Variants in NAPSA observed in about 807,000 individuals in gnomAD.
NAPSA encodes napsin-A.
A neutral mutation model predicts 36.7 loss-of-function variants in NAPSA; 37 were observed. That is an observed-to-expected ratio of 1.01 (90% confidence interval 0.78 to 1.33). The LOEUF is 1.33. Ranked by LOEUF, NAPSA falls within the 40% of genes most tolerant of loss-of-function variation. NAPSA has a pLI of 0.00. For missense variants in NAPSA, 532 were observed against 543.8 expected (o/e 0.98, Z 0.21); for synonymous variants, 222 against 234.5 (o/e 0.95, Z 0.49).
At chr19:50,363,123 T>A (rs2037499298) in intron 1 of NAPSA, among the ~76,000 whole-genome samples, 1 of 152,194 alleles carries the variant, frequency 6.6e-6, no homozygotes, top group Non-Finnish European at 1.5e-5. Context: ...CGTTCCTGCC[T>A]TTAGTCACTC....
upstream of NAPSA, among the ~76,000 whole-genome samples, chr19:50,367,578 C>CTCTCTG (rs2123624802): frequency 1.3e-5 from 2 of 148,426 alleles, no homozygotes; most frequent in South Asian, 4.4e-4. Context: ...CTCTCTCTCT[C>CTCTCTG]TCTGTCTCTG....
Position 50,359,792 on chromosome 19 carries a change from G to T in NAPSA, c.739C>A (p.Leu247Ile). The stretch of plus-strand genomic sequence containing the variant: ...GGGACCGTGACTGGCACGAAGGTGA[G>T]GGGTGGGATGTAGTGTGCCGGGTCC... Reference protein sequence around the residue: ...GSDPAHYIPPLTFVPVTVPAY... With the variant: ...GSDPAHYIPPITFVPVTVPAY... The change falls in exon 6 of 9, where the codon CTC becomes ATC. Residue 247 changes from leucine (L) to isoleucine (I), a missense_variant. Around this residue, in one of 3 missense-constraint regions of NAPSA, gnomAD observed 385 missense variants for 371.5 expected, o/e 1.04. Coordinates refer to ENST00000253719, the MANE Select transcript of NAPSA (RefSeq NM_004851.3). 1 of 1,614,222 alleles carries T rather than the reference G, an allele frequency of 6.2e-7. No homozygotes were observed. The highest frequency in any genetic ancestry group is 1.7e-4 in the Middle Eastern group (1 of 6,060).
chr19:50,359,979 G>C, intron 5 of NAPSA, 117 bp from the exon 6 acceptor site: 1 of 1,373,972 alleles, frequency 7.3e-7, no homozygotes. Context: ...GTTCCTACGG[G>C]GTAATGGGAT....
chr19:50,365,648 G>A (rs776057609), upstream of NAPSA: 3 of 1,578,048 alleles, frequency 1.9e-6, no homozygotes, highest in South Asian at 3.4e-5. Flanking sequence ...GTGAACCCAG[G>A]TGTCCTGGGG....
At chr19:50,358,866 G>A in intron 8 of NAPSA, 86 bp from the exon 9 acceptor site, 1 of 1,386,956 alleles carries the variant, frequency 7.2e-7, no homozygotes. Context: ...CCCACCCTCG[G>A]GTTCTTTGAT....
intron 7 of NAPSA, 56 bp from the exon 8 acceptor site, chr19:50,359,165 TC>T: frequency 6.8e-7 from 1 of 1,463,906 alleles, no homozygotes; most frequent in Non-Finnish European, 9.5e-7. Context: ...TTCAGTCCCT[TC>T]CGTGGCTCCC....
chr19:50,368,176 A>AG (rs1568589549), upstream of NAPSA, among the ~76,000 whole-genome samples: 1 of 150,484 alleles, frequency 6.6e-6, no homozygotes, highest in African/African-American at 2.4e-5. Context: ...AAAAAAAAAA[A>AG]AAAGAAACAA....
intron 5 of NAPSA, 118 bp downstream of exon 5, chr19:50,360,823 A>C: frequency 1.0e-6 from 1 of 967,942 alleles, no homozygotes; most frequent in East Asian, 2.6e-5. Context: ...CTGAATGGAC[A>C]GTGTAAGTGG....
At chr19:50,358,823 G>C (rs765741704) in intron 8 of NAPSA, 43 bp from the exon 9 acceptor site, 1 of 1,545,496 alleles carries the variant, frequency 6.5e-7, no homozygotes, top group East Asian at 2.3e-5. Flanking sequence ...CGGCCACAAG[G>C]ACGGCCATTT....
chr19:50,359,442 A>G, intron 7 of NAPSA, 61 bp downstream of exon 7: 1 of 1,606,158 alleles, frequency 6.2e-7, no homozygotes, highest in Admixed American at 1.7e-5. Context: ...AGGCCCTTTG[A>G]TGTTCACTGT....
chr19:50,363,587 A>T (rs993090717), intron 1 of NAPSA, among the ~76,000 whole-genome samples: 1 of 151,438 alleles, frequency 6.6e-6, no homozygotes, highest in African/African-American at 2.4e-5. Context: ...TTTTTAGACA[A>T]GGTGTCACCC....
At chr19:50,360,016 G>C (rs773891178) in intron 5 of NAPSA, among the ~76,000 whole-genome samples, 154 bp from the exon 6 acceptor site, 21 of 152,198 alleles carry the variant, frequency 1.4e-4, no homozygotes, top group Non-Finnish European at 2.6e-4. Context: ...TGTTGGGACT[G>C]GAAGCCGGGC....
At chr19:50,367,465 C>A (rs1036158968), upstream of NAPSA, among the ~76,000 whole-genome samples, 2 of 151,880 alleles carry the variant, frequency 1.3e-5, no homozygotes, top group Non-Finnish European at 2.9e-5. Flanking sequence ...TAGATAAGAT[C>A]CAGAAGATTT....
chr19:50,359,866 C>T lies in NAPSA; in HGVS notation c.669-4G>A. On this transcript the variant is annotated splice_polypyrimidine_tract_variant and splice_region_variant and intron_variant, in intron 5 of 8. Coordinates refer to ENST00000253719, the MANE Select transcript of NAPSA (RefSeq NM_004851.3). ...TCCATCAGGCTCTTCAGGGTCCCTG[C>T]AGGGGCAGAGTGTAGAGAGTGTAGA... 1 of 1,613,544 alleles carries T rather than the reference C, an allele frequency of 6.2e-7. No individual in the cohort carries two copies. The highest frequency in any genetic ancestry group is 8.5e-7 in the Non-Finnish European group (1 of 1,179,642).
rs376501854 is a variant in NAPSA, at chr19:50,361,658, C to T, written c.468+5G>A. The T allele has an allele frequency of 1.2e-6, 2 of 1,610,396 alleles. No homozygotes were observed. The highest frequency in any genetic ancestry group is 1.1e-5 in the South Asian group (1 of 90,984). On this transcript the variant is annotated splice_donor_5th_base_variant and intron_variant, in intron 4 of 8. Transcript: ENST00000253719. ...CAAGACTTCTGAGAGTCAAAGGCCA[C>T]TCACAGTCAGCTTGTCCTCGCTCAG...
chr19:50,358,962 T>C (rs751597313), intron 8 of NAPSA, 49 bp downstream of exon 8: 2 of 1,530,124 alleles, frequency 1.3e-6, no homozygotes, highest in Non-Finnish European at 1.8e-6. Flanking sequence ...CTCTACCCTC[T>C]CAAACCGTCA....
intron 3 of NAPSA, 54 bp from the exon 4 acceptor site, chr19:50,361,835 C>T: frequency 6.2e-7 from 1 of 1,603,366 alleles, no homozygotes; most frequent in Non-Finnish European, 8.5e-7. Flanking sequence ...CCAGTGCCTA[C>T]TGCCCCTTTG....
At chr19:50,364,135 T>TCTCTACTAAA (rs2037510712) in intron 1 of NAPSA, among the ~76,000 whole-genome samples, 1 of 144,218 alleles carries the variant, frequency 6.9e-6, no homozygotes, top group Non-Finnish European at 1.5e-5. Flanking sequence ...TTGGCCAACA[T>TCTCTACTAAA]GGTGAAACCT....
chr19:50,359,482 C>A, intron 7 of NAPSA, 21 bp downstream of exon 7: 1 of 1,613,890 alleles, frequency 6.2e-7, no homozygotes, highest in Non-Finnish European at 8.5e-7. Flanking sequence ...CCAGCCCGTA[C>A]CCACCAGACT....
Sources: allele counts gnomAD v4.1 joint callset (sites outside exome capture counted in the v4.1 genomes callset), GRCh38; gene constraint gnomAD v4.1.1; regional missense constraint gnomAD v4.1.1; transcripts MANE v1.5; gene names NCBI Gene and HGNC (gene_info 2026-07-23, HGNC 2026-07-21).